Variants in GNAZ observed in about 807,000 individuals in gnomAD.
The protein encoded by GNAZ is guanine nucleotide-binding protein G(z) subunit alpha.
Under a neutral mutation model 25.4 loss-of-function variants are expected in GNAZ, and 3 were observed. The ratio of observed to expected loss-of-function variants is 0.12; its 90% confidence interval spans 0.05 to 0.30. The LOEUF is 0.30. Ranked by LOEUF, GNAZ falls within the 10% of genes least tolerant of loss-of-function variation. The pLI is 1.00. For missense variants in GNAZ, 241 were observed against 501.8 expected, an observed-to-expected ratio of 0.48 and a Z score of 4.97; for synonymous variants, 211 against 205.7, an observed-to-expected ratio of 1.03 and a Z score of -0.22.
chr22:23,097,343 C>G, intron 2 of GNAZ, among the ~76,000 whole-genome samples: 1 of 152,118 alleles, frequency 6.6e-6, no homozygotes, highest in East Asian at 1.9e-4. Flanking sequence ...TTAGGTTCAG[C>G]GGAGAGCAAC....
chr22:23,080,016 G>T (rs1343458509), intron 1 of GNAZ, among the ~76,000 whole-genome samples: 1 of 152,198 alleles, frequency 6.6e-6, no homozygotes, highest in Admixed American at 6.5e-5. Context: ...GATGGAGTCA[G>T]CAGTTTCCTT....
At position 23,124,484 on chromosome 22, in the gene GNAZ, A is replaced by T. The variant is rs1328698753; in HGVS notation, c.*1053A>T. 1 of 401,442 alleles carries T rather than the reference A, an allele frequency of 2.5e-6. No individual in the cohort carries two copies. The highest frequency in any genetic ancestry group is 5.3e-6 in the Non-Finnish European group (1 of 188,988). The allele number at this position is 401,442 out of a possible 1,614,324, so 24.9% of individuals were successfully genotyped here. ...TAAGCCTCTGCAGTGTCCTCTTGTT[A>T]ATGGTGGGGTTTTCTGCTTTGTTTT... On this transcript the variant is annotated 3_prime_UTR_variant, in exon 3 of 3. Coordinates refer to ENST00000615612, the MANE Select transcript of GNAZ (RefSeq NM_002073.4).
intron 2 of GNAZ, among the ~76,000 whole-genome samples, chr22:23,108,679 C>T (rs949649060): frequency 2.5e-4 from 38 of 152,260 alleles, no homozygotes; most frequent in African/African-American, 9.2e-4. Flanking sequence ...CTGGACCCTG[C>T]ATGCAATGTC....
intron 2 of GNAZ, among the ~76,000 whole-genome samples, chr22:23,111,151 T>C (rs1163664816): frequency 3.9e-5 from 6 of 152,202 alleles, no homozygotes; most frequent in Non-Finnish European, 8.8e-5. Flanking sequence ...ACTGAGCCTC[T>C]GCCGGGGAGT....
rs145386438 is a variant in GNAZ, at chr22:23,119,409, G to A, written c.724-3678G>A. Among the ~76,000 whole-genome samples, 211 of 152,274 alleles carry A rather than the reference G, an allele frequency of 1.4e-3. 1 individual carries two copies. The highest frequency in any genetic ancestry group is 0.01 in the Middle Eastern group (3 of 294). On this transcript the variant is annotated intron_variant, in intron 2 of 2. Transcript: ENST00000615612. ...TGGTCAGGGTCCTGACTTTGTAACC[G>A]TCTGTGGTTCTTCAGCCTCCCGCTC...
At chr22:23,101,252 G>A (rs968232267) in intron 2 of GNAZ, among the ~76,000 whole-genome samples, 1 of 152,190 alleles carries the variant, frequency 6.6e-6, no homozygotes, top group Admixed American at 6.5e-5. Flanking sequence ...CCGCAGGGCT[G>A]AGACTCTGGC....
chr22:23,097,981 G>A (rs2069176049), intron 2 of GNAZ, among the ~76,000 whole-genome samples: 1 of 152,266 alleles, frequency 6.6e-6, no homozygotes, highest in African/African-American at 2.4e-5. Context: ...CAGGAGGCAG[G>A]ATACCTGGGT....
At chr22:23,105,134 C>T (rs1306241466) in intron 2 of GNAZ, among the ~76,000 whole-genome samples, 1 of 152,188 alleles carries the variant, frequency 6.6e-6, no homozygotes, top group Non-Finnish European at 1.5e-5. Flanking sequence ...GCCTTGTATC[C>T]TAAGGTTCCC....
intron 2 of GNAZ, among the ~76,000 whole-genome samples, chr22:23,096,983 A>T (rs1322249754): frequency 6.6e-6 from 1 of 152,088 alleles, no homozygotes; most frequent in African/African-American, 2.4e-5. Context: ...GAGGGTGGGG[A>T]GCCGGGTGAA....
At chr22:23,078,330 C>T (rs541689815) in intron 1 of GNAZ, among the ~76,000 whole-genome samples, 2 of 152,344 alleles carry the variant, frequency 1.3e-5, no homozygotes, top group African/African-American at 4.8e-5. Context: ...CAGTGCCAGG[C>T]ATTGATTTCC....
chr22:23,096,153 C>T lies in GNAZ; in HGVS notation c.458C>T (p.Ala153Val), dbSNP rs200414454. Residue 153 changes from alanine (A) to valine (V), a missense_variant, in exon 2 of 3, where the codon GCG (alanine) becomes GTG (valine). Transcript: ENST00000615612. The part of the protein sequence containing the change: ...RSSEYHLEDN[A>V]AYYLNDLERI... ...AGCGAGTACCACCTGGAGGACAACG[C>T]GGCCTACTACCTGAACGACCTGGAG... 4 of 1,612,918 alleles carry T rather than the reference C, an allele frequency of 2.5e-6. No homozygotes were observed. The highest frequency in any genetic ancestry group is 2.2e-5 in the South Asian group (2 of 91,072).
intron 1 of GNAZ, among the ~76,000 whole-genome samples, chr22:23,077,211 A>G (rs752102636): frequency 1.3e-5 from 2 of 152,016 alleles, no homozygotes; most frequent in Admixed American, 1.3e-4. Context: ...CTCTCCTTAC[A>G]TGCCCCTTCC....
At chr22:23,111,059 G>A (rs2069638707) in intron 2 of GNAZ, among the ~76,000 whole-genome samples, 2 of 152,204 alleles carry the variant, frequency 1.3e-5, no homozygotes, top group African/African-American at 2.4e-5. Flanking sequence ...TCCAGCAGGC[G>A]ATCATCATTT....
At chr22:23,086,279 C>T (rs888585177) in intron 1 of GNAZ, among the ~76,000 whole-genome samples, 2 of 152,232 alleles carry the variant, frequency 1.3e-5, no homozygotes, top group African/African-American at 4.8e-5. Flanking sequence ...GGCCTGCAGA[C>T]TCCCAGCCAG....
intron 2 of GNAZ, among the ~76,000 whole-genome samples, chr22:23,103,468 G>A (rs1455153501): frequency 6.6e-6 from 1 of 152,186 alleles, no homozygotes; most frequent in African/African-American, 2.4e-5. Context: ...CTCCCACTGT[G>A]CTTCCCCAGT....
chr22:23,094,234 G>C (rs867339836), intron 1 of GNAZ, among the ~76,000 whole-genome samples: 1 of 152,112 alleles, frequency 6.6e-6, no homozygotes, highest in African/African-American at 2.4e-5. Flanking sequence ...AGAGGGGTGC[G>C]TGTGAGTTGG....
Position 23,096,869 on chromosome 22 carries a change from C to T in GNAZ, c.723+451C>T, listed in dbSNP as rs78191361. Among the ~76,000 whole-genome samples the T allele has an allele frequency of 3.3e-3, 508 of 152,296 alleles. 1 individual carries two copies. The highest frequency in any genetic ancestry group is 0.012 in the African/African-American group (481 of 41,540). ...CCAGGTCCTGGTGGAAAGGGGACGACGTAAAAGCAGGTGTTGGGATTCTTT... is the reference window on the plus strand; with the variant it reads ...CCAGGTCCTGGTGGAAAGGGGACGATGTAAAAGCAGGTGTTGGGATTCTTT... On this transcript the variant is annotated intron_variant, in intron 2 of 2. Transcript: ENST00000615612.
Position 23,124,562 on chromosome 22 carries a change from C to A in GNAZ, c.*1131C>A. 1 of 259,660 alleles carries A rather than the reference C, an allele frequency of 3.9e-6. No homozygotes were observed. Among genetic ancestry groups the A allele is most frequent in the Non-Finnish European group, 8.7e-6 (1 of 115,368 alleles). The allele number at this position is 259,660 out of a possible 1,614,324, so 16.1% of individuals were successfully genotyped here. ...TAAAGAAGGTTCTTTCACCTGGGAG[C>A]AAATGAACAATAGCTAAGTGTCTTG... On this transcript the variant is annotated 3_prime_UTR_variant, in exon 3 of 3. Coordinates refer to ENST00000615612, the MANE Select transcript of GNAZ (RefSeq NM_002073.4).
intron 2 of GNAZ, among the ~76,000 whole-genome samples, chr22:23,106,736 A>G (rs2069491052): frequency 6.6e-6 from 1 of 152,252 alleles, no homozygotes; most frequent in South Asian, 2.1e-4. Context: ...GGTGCACTGC[A>G]TGCACAACCT....
Sources: allele counts gnomAD v4.1 joint callset (sites outside exome capture counted in the v4.1 genomes callset), GRCh38; gene constraint gnomAD v4.1.1; transcripts MANE v1.5; gene names NCBI Gene and HGNC (gene_info 2026-07-23, HGNC 2026-07-21).